The following PTPRD variants were observed in gnomAD, a reference collection of about 807,000 sequenced individuals.
PTPRD encodes receptor-type tyrosine-protein phosphatase delta.
PTPRD carries 34 observed loss-of-function variants against 214.5 expected under a neutral mutation model. That is an observed-to-expected ratio of 0.16 (90% CI 0.12 to 0.21). The LOEUF is 0.21. Ranked by LOEUF, PTPRD falls within the 10% of genes least tolerant of loss-of-function variation. The probability of loss-of-function intolerance (pLI) is 1.00; values close to 1 mark genes in which losing one functional copy is unlikely to be tolerated. For missense variants in PTPRD, 2,545 were observed against 2,398.7 expected, an observed-to-expected ratio of 1.06 and a Z score of -1.27; for synonymous variants, 1,128 against 845.7, an observed-to-expected ratio of 1.33 and a Z score of -5.79.
intron 3 of PTPRD, among the ~76,000 whole-genome samples, chr9:10,194,458 A>G (rs1367113020): frequency 1.3e-5 from 2 of 150,258 alleles, no homozygotes; most frequent in East Asian, 3.9e-4. Flanking sequence ...TATAATTATA[A>G]AGTGAGAATT....
chr9:8,350,123 C>T (rs539273400), intron 39 of PTPRD, among the ~76,000 whole-genome samples: 6 of 152,098 alleles, frequency 3.9e-5, no homozygotes, highest in South Asian at 2.1e-4. Context: ...CGAGTTGAAA[C>T]GGGCTTAATG....
intron 6 of PTPRD, among the ~76,000 whole-genome samples, chr9:9,741,395 T>A (rs1336590347): frequency 6.6e-6 from 1 of 152,104 alleles, no homozygotes; most frequent in Non-Finnish European, 1.5e-5. Flanking sequence ...TAACTTTTAT[T>A]TTTATGAACT....
chr9:9,808,109 C>T (rs977729786), intron 5 of PTPRD, among the ~76,000 whole-genome samples: 2 of 152,096 alleles, frequency 1.3e-5, no homozygotes, highest in Admixed American at 1.3e-4. Context: ...CTTGTTTAAG[C>T]CACACTTAAT....
chr9:8,713,787 G>A (rs1460866942), intron 12 of PTPRD: 3 of 1,537,106 alleles, frequency 2.0e-6, no homozygotes, highest in Admixed American at 3.6e-5. Context: ...ACCGGGTCCT[G>A]CGCCTTCAGC....
chr9:8,332,955 T>C (rs1330844927), intron 43 of PTPRD, among the ~76,000 whole-genome samples: 3 of 152,146 alleles, frequency 2.0e-5, no homozygotes, highest in Non-Finnish European at 4.4e-5. Context: ...CCCAAGGTTC[T>C]GGGTAAGTGA....
chr9:8,558,625 A>G (rs986332971), intron 14 of PTPRD, among the ~76,000 whole-genome samples: 1 of 152,246 alleles, frequency 6.6e-6, no homozygotes, highest in African/African-American at 2.4e-5. Context: ...GATGAAGCCT[A>G]GAACCCAGAC....
At chr9:10,092,757 A>G (rs1227358171) in intron 3 of PTPRD, among the ~76,000 whole-genome samples, 1 of 151,582 alleles carries the variant, frequency 6.6e-6, no homozygotes, top group Non-Finnish European at 1.5e-5. Context: ...AAGCACACAT[A>G]CAGACCAACA....
intron 10 of PTPRD, among the ~76,000 whole-genome samples, chr9:9,035,237 A>T (rs2099617837): frequency 6.6e-6 from 1 of 152,110 alleles, no homozygotes; most frequent in Non-Finnish European, 1.5e-5. Flanking sequence ...AGGAGGCTTA[A>T]TTCCTCCTGC....
chr9:10,215,800 A>G (rs949602799), intron 3 of PTPRD, among the ~76,000 whole-genome samples: 1 of 152,084 alleles, frequency 6.6e-6, no homozygotes, highest in Non-Finnish European at 1.5e-5. Context: ...AATACAATGT[A>G]TATCAACATC....
chr9:9,421,180 G>T (rs1439495423), intron 8 of PTPRD, among the ~76,000 whole-genome samples: 1 of 151,678 alleles, frequency 6.6e-6, no homozygotes, highest in Admixed American at 6.6e-5. Flanking sequence ...CAATGGCCCT[G>T]CCTTTATATA....
At chr9:9,967,140 T>C (rs535523419) in intron 4 of PTPRD, among the ~76,000 whole-genome samples, 23 of 152,286 alleles carry the variant, frequency 1.5e-4, no homozygotes, top group South Asian at 1.5e-3. Flanking sequence ...CTGGGACCCA[T>C]GCCTTATTAT....
intron 3 of PTPRD, among the ~76,000 whole-genome samples, chr9:10,062,054 T>C (rs991080004): frequency 1.3e-5 from 2 of 151,932 alleles, no homozygotes; most frequent in African/African-American, 4.8e-5. Flanking sequence ...TGTTAAAAGA[T>C]TGAATAAAAA....
At chr9:9,825,967 G>C (rs1261036249) in intron 5 of PTPRD, among the ~76,000 whole-genome samples, 1 of 151,190 alleles carries the variant, frequency 6.6e-6, no homozygotes, top group Non-Finnish European at 1.5e-5. Context: ...ATATCCTTAA[G>C]TACATGAAAT....
rs540732347 is a variant in PTPRD, at chr9:10,191,064, A to AAAAT, written c.-545+149895_-545+149898dup. On this transcript the variant is annotated intron_variant, in intron 3 of 45. Coordinates refer to ENST00000381196, the MANE Select transcript of PTPRD (RefSeq NM_002839.4). ...CAACTTTTTGGATGCCAGTAATTAC[A>AAAAT]AAATAAATAAATAAATAAATAAAAA... Among the ~76,000 whole-genome samples the AAAAT allele has an allele frequency of 7.8e-4, 119 of 152,222 alleles. No individual in the cohort carries two copies. In the East Asian group the frequency reaches 0.02, roughly 25 times the overall value.
intron 39 of PTPRD, among the ~76,000 whole-genome samples, chr9:8,344,439 T>A (rs1239403790): frequency 6.9e-6 from 1 of 144,888 alleles, no homozygotes; most frequent in African/African-American, 2.4e-5. Context: ...GTATCAACCT[T>A]TTCATAATGG....
chr9:8,646,092 C>T (rs1368082657), intron 12 of PTPRD, among the ~76,000 whole-genome samples: 3 of 151,942 alleles, frequency 2.0e-5, no homozygotes, highest in South Asian at 2.1e-4. Flanking sequence ...CTACAGGTGC[C>T]TGAACCCCAC....
intron 3 of PTPRD, among the ~76,000 whole-genome samples, chr9:10,265,396 C>T (rs539017061): frequency 6.6e-6 from 1 of 152,290 alleles, no homozygotes; most frequent in East Asian, 1.9e-4. Context: ...GCCCACCCGC[C>T]AGCTGACCGT....
At chr9:9,023,959 T>C (rs1012077944) in intron 10 of PTPRD, among the ~76,000 whole-genome samples, 2 of 152,084 alleles carry the variant, frequency 1.3e-5, no homozygotes, top group African/African-American at 4.8e-5. Context: ...TTAATCATCA[T>C]TTTATACCTT....
intron 43 of PTPRD, among the ~76,000 whole-genome samples, chr9:8,337,690 T>C (rs551928407): frequency 3.3e-5 from 5 of 151,910 alleles, no homozygotes; most frequent in Non-Finnish European, 5.9e-5. Context: ...AACTTCCGGT[T>C]TCAATCTTCT....
Sources: allele counts gnomAD v4.1 joint callset (sites outside exome capture counted in the v4.1 genomes callset), GRCh38; gene constraint gnomAD v4.1.1; transcripts MANE v1.5; gene names NCBI Gene and HGNC (gene_info 2026-07-23, HGNC 2026-07-21).